The following SUGCT variants were observed in gnomAD, a reference collection of about 807,000 sequenced individuals.
SUGCT encodes succinyl-CoA:glutarate CoA-transferase.
Under a neutral mutation model 55.0 loss-of-function variants are expected in SUGCT, and 41 were observed. The observed-to-expected ratio is 0.74, with a 90% CI of 0.58 to 0.97. The LOEUF (loss-of-function observed/expected upper bound fraction) is 0.97, where lower values mean the gene tolerates loss of function less well. Among genes scored for constraint, SUGCT ranks in the 50% least tolerant of loss-of-function variants. The probability of loss-of-function intolerance (pLI) is 0.00; values close to 1 mark genes in which losing one functional copy is unlikely to be tolerated. For synonymous variants in SUGCT, 187 were observed against 200.4 expected (o/e 0.93, Z 0.56); for missense variants, 568 against 547.8 (o/e 1.04, Z -0.37).
intron 12 of SUGCT, among the ~76,000 whole-genome samples, chr7:40,700,368 CATT>C (rs1343401121): frequency 6.6e-6 from 1 of 152,074 alleles, no homozygotes; most frequent in Non-Finnish European, 1.5e-5. Context: ...TGAAATCTTA[CATT>C]GTAAGATTTA....
At chr7:40,470,816 A>G (rs1790368428) in intron 11 of SUGCT, among the ~76,000 whole-genome samples, 1 of 151,930 alleles carries the variant, frequency 6.6e-6, no homozygotes, top group African/African-American at 2.4e-5. Flanking sequence ...ACAGAATCAT[A>G]TGTACACAAC....
chr7:40,231,362 A>G (rs991702986), intron 6 of SUGCT, among the ~76,000 whole-genome samples: 1 of 152,226 alleles, frequency 6.6e-6, no homozygotes, highest in Non-Finnish European at 1.5e-5. Context: ...CACCTTGGTC[A>G]CAGGCCTCAG....
chr7:40,391,597 C>G (rs1041172340), intron 9 of SUGCT, among the ~76,000 whole-genome samples: 1 of 30,814 alleles, frequency 3.2e-5, no homozygotes, highest in African/African-American at 1.2e-4. Flanking sequence ...CCATCTCACA[C>G]CAGTTCGAAT....
intron 12 of SUGCT, among the ~76,000 whole-genome samples, chr7:40,565,997 A>ACACGCG (rs1796122745): frequency 1.5e-5 from 1 of 66,722 alleles, no homozygotes; most frequent in East Asian, 6.3e-4. Flanking sequence ...ACACACGCAC[A>ACACGCG]CACACACACA....
At chr7:40,227,519 C>G (rs1410449414) in intron 6 of SUGCT, among the ~76,000 whole-genome samples, 1 of 152,106 alleles carries the variant, frequency 6.6e-6, no homozygotes, top group African/African-American at 2.4e-5. Flanking sequence ...TGTGTGCCAC[C>G]ACATCTGGCT....
intron 1 of SUGCT, among the ~76,000 whole-genome samples, chr7:40,155,171 G>T (rs574791301): frequency 1.3e-5 from 2 of 152,024 alleles, no homozygotes; most frequent in Non-Finnish European, 1.5e-5. Context: ...TGTAATTCCA[G>T]CTACTTGGGA....
the SUGCT span, chr7:40,979,714 A>G: frequency 3.9e-5 from 6 of 152,196 alleles, no homozygotes; most frequent in Non-Finnish European, 4.4e-5. Context: ...AGAAGAATAA[A>G]TCCAAGCACC....
chr7:40,779,496 T>C (rs1216283761), intron 13 of SUGCT, among the ~76,000 whole-genome samples: 2 of 152,108 alleles, frequency 1.3e-5, no homozygotes, highest in Non-Finnish European at 2.9e-5. Flanking sequence ...GCACAAACAT[T>C]ATACAGACAC....
the SUGCT span, among the ~76,000 whole-genome samples, chr7:40,951,159 G>T: frequency 7.9e-5 from 12 of 152,148 alleles, no homozygotes; most frequent in Admixed American, 1.3e-4. Context: ...TCTATTCAGA[G>T]ATTCAACTTC....
At chr7:40,334,596 G>A (rs1017377139) in intron 9 of SUGCT, among the ~76,000 whole-genome samples, 1 of 152,156 alleles carries the variant, frequency 6.6e-6, no homozygotes, top group African/African-American at 2.4e-5. Context: ...TTTTGAAGGG[G>A]TTGTTTGTTT....
chr7:40,573,882 A>G (rs1037159195), intron 12 of SUGCT, among the ~76,000 whole-genome samples: 1 of 152,154 alleles, frequency 6.6e-6, no homozygotes, highest in Admixed American at 6.5e-5. Flanking sequence ...AGCCTTATTC[A>G]TGTTTCTTAC....
At chr7:40,853,786 A>G (rs1255198772) in intron 13 of SUGCT, among the ~76,000 whole-genome samples, 1 of 152,218 alleles carries the variant, frequency 6.6e-6, no homozygotes, top group Admixed American at 6.5e-5. Flanking sequence ...TTTCTTCCTT[A>G]TATAAATTGA....
At chr7:40,514,627 A>T (rs1391967185) in intron 12 of SUGCT, among the ~76,000 whole-genome samples, 2 of 148,538 alleles carry the variant, frequency 1.3e-5, no homozygotes, top group Non-Finnish European at 1.5e-5. Context: ...GGAGAATAGC[A>T]TGAACCCGGG....
chr7:40,246,986 ACCACAAAGTAT>A (rs945585571), intron 7 of SUGCT, among the ~76,000 whole-genome samples: 2 of 152,198 alleles, frequency 1.3e-5, no homozygotes, highest in African/African-American at 4.8e-5. Flanking sequence ...TTATGAATAT[ACCACAAAGTAT>A]TCACATTGCT....
chr7:40,135,960 G>A (rs1289898548), intron 1 of SUGCT, among the ~76,000 whole-genome samples: 1 of 149,614 alleles, frequency 6.7e-6, no homozygotes, highest in African/African-American at 2.5e-5. Context: ...TTATGCGCGC[G>A]GCCCACTATG....
the SUGCT span, among the ~76,000 whole-genome samples, chr7:40,886,078 T>A: frequency 6.6e-6 from 1 of 152,168 alleles, no homozygotes; most frequent in Non-Finnish European, 1.5e-5. Context: ...CTAGTATATA[T>A]AAACATGAGC....
rs185471938 is a variant in SUGCT, at chr7:40,705,714, G to C, written c.1090-43720G>C. ...GCTATAGAGCTTGAAGCAAGGTCTC[G>C]GACCACTTAACTGTGCTGCTGGTGC... On this transcript the variant is annotated intron_variant, in intron 12 of 13. Coordinates refer to ENST00000335693, the MANE Select transcript of SUGCT (RefSeq NM_001193313.2). Among the ~76,000 whole-genome samples, 228 of 152,208 alleles carry C rather than the reference G, an allele frequency of 1.5e-3. 1 individual carries two copies. The highest frequency in any genetic ancestry group is 5.2e-3 in the African/African-American group (218 of 41,528).
intron 8 of SUGCT, among the ~76,000 whole-genome samples, chr7:40,276,643 A>C (rs548643224): frequency 6.6e-6 from 1 of 152,312 alleles, no homozygotes; most frequent in Non-Finnish European, 1.5e-5. Context: ...CTAGCATCTA[A>C]CTAGTGGTTC....
chr7:40,168,530 T>C (rs762249490), intron 1 of SUGCT, among the ~76,000 whole-genome samples: 19 of 152,332 alleles, frequency 1.2e-4, no homozygotes, highest in Non-Finnish European at 2.1e-4. Context: ...GATTGAAATG[T>C]ATGGCCTGCA....
Sources: gnomAD v4.1 joint callset for allele counts (sites outside exome capture counted in the v4.1 genomes callset) on GRCh38, gnomAD v4.1.1 for gene constraint, MANE v1.5 for transcripts, NCBI Gene and HGNC (gene_info 2026-07-23, HGNC 2026-07-21) for gene names.